The following ARFGEF1 variants were observed in gnomAD, a reference collection of about 807,000 sequenced individuals.
ARFGEF1 encodes ARF guanine nucleotide exchange factor 1.
A neutral mutation model predicts 231.0 loss-of-function variants in ARFGEF1; 42 were observed. The observed-to-expected ratio is 0.18, with a 90% CI of 0.14 to 0.24. The LOEUF (loss-of-function observed/expected upper bound fraction) is 0.24. Among genes scored for constraint, ARFGEF1 ranks in the 10% least tolerant of loss-of-function variants. ARFGEF1 has a pLI of 1.00. For missense variants in ARFGEF1, 1,345 were observed against 2,192.0 expected, an observed-to-expected ratio of 0.61 and a Z score of 7.72; for synonymous variants, 710 against 732.3, an observed-to-expected ratio of 0.97 and a Z score of 0.49.
At chr8:67,328,159 A>T (rs891405211) in intron 1 of ARFGEF1, among the ~76,000 whole-genome samples, 1 of 152,188 alleles carries the variant, frequency 6.6e-6, no homozygotes, top group African/African-American at 2.4e-5. Flanking sequence ...GTTTATTAGC[A>T]GAGTTGCTGT....
At chr8:67,296,812 G>T (rs760036412) in intron 4 of ARFGEF1, among the ~76,000 whole-genome samples, 8 of 151,550 alleles carry the variant, frequency 5.3e-5, no homozygotes, top group Non-Finnish European at 8.8e-5. Flanking sequence ...CACCACACCC[G>T]GCTAATTTTG....
At chr8:67,328,647 C>A (rs917497084) in intron 1 of ARFGEF1, among the ~76,000 whole-genome samples, 1 of 152,152 alleles carries the variant, frequency 6.6e-6, no homozygotes, top group Non-Finnish European at 1.5e-5. Flanking sequence ...CACTGTTCTA[C>A]CATGTAGTGA....
At chr8:67,289,550 A>C (rs376399630) in intron 6 of ARFGEF1, among the ~76,000 whole-genome samples, 1,578 of 55,076 alleles carry the variant, frequency 0.029, 16 homozygotes, top group African/African-American at 0.14. Context: ...CTCTGTATCC[A>C]AAAAAAAAAA....
chr8:67,258,291 C>A lies in ARFGEF1; in HGVS notation c.2236-1G>T. 6.4e-7 allele frequency: 1 copy of A among 1,560,406 alleles called. No homozygotes were observed. Among genetic ancestry groups the A allele is most frequent in the South Asian group, 1.1e-5 (1 of 87,526 alleles). ...CTCCCAGGAACTCACCCACTTGAGTCTAAAGTAAAAACAGAGATAGAAATT... is the reference window on the plus strand; with the variant it reads ...CTCCCAGGAACTCACCCACTTGAGTATAAAGTAAAAACAGAGATAGAAATT... On this transcript the variant is annotated splice_acceptor_variant, in intron 15 of 38. Transcript: ENST00000262215. LOFTEE classifies it high-confidence loss of function.
In ARFGEF1 at chr8:67,299,343, A is replaced by G; in HGVS notation, c.325T>C (p.Tyr109His). ...SLDCLQKLIA[Y>H]GHLTGNAPDS... ...GGAGCATTGCCAGTCAAGTGCCCAT[A>G]AGCAATAAGTTTCTAAAATGGAGAA... is the stretch of plus-strand genomic sequence containing the variant. Residue 109 changes from tyrosine (Y) to histidine (H), a missense_variant, in exon 4 of 39, where the codon TAT (tyrosine) becomes CAT (histidine). Tyr to His is a moderately conservative substitution (Grantham distance 83). This residue lies in a region of ARFGEF1 where 398 missense variants were observed against 463.2 expected (regional missense o/e 0.86). Coordinates refer to ENST00000262215, the MANE Select transcript of ARFGEF1 (RefSeq NM_006421.5). 1 of 1,603,600 alleles carries G rather than the reference A, an allele frequency of 6.2e-7. No homozygotes were observed. Among genetic ancestry groups the G allele is most frequent in the South Asian group, 1.1e-5 (1 of 87,918 alleles).
chr8:67,320,620 A>AGT (rs1453959382), intron 1 of ARFGEF1, among the ~76,000 whole-genome samples: 2 of 152,244 alleles, frequency 1.3e-5, no homozygotes, highest in Non-Finnish European at 2.9e-5. Context: ...CCCTTCAATG[A>AGT]GTGTTAAACA....
chr8:67,201,686 T>C (rs1838334052), intron 36 of ARFGEF1, 81 bp from the exon 37 acceptor site: 1 of 1,567,828 alleles, frequency 6.4e-7, no homozygotes, highest in Admixed American at 1.8e-5. Flanking sequence ...GAGGCACATT[T>C]TGTTTGTGCT....
intron 15 of ARFGEF1, 41 bp downstream of exon 15, chr8:67,259,774 G>C (rs1563870470): frequency 4.8e-6 from 7 of 1,444,158 alleles, no homozygotes; most frequent in Non-Finnish European, 6.7e-6. Flanking sequence ...AAAATCCCAA[G>C]AATTTTACAG....
At chr8:67,255,970 T>C (rs1165683546) in intron 17 of ARFGEF1, among the ~76,000 whole-genome samples, 1 of 152,268 alleles carries the variant, frequency 6.6e-6, no homozygotes, top group Non-Finnish European at 1.5e-5. Flanking sequence ...TATGTACATA[T>C]GTATAGGAAG....
At chr8:67,342,342 C>G (rs1808677541) in intron 1 of ARFGEF1, among the ~76,000 whole-genome samples, 1 of 152,196 alleles carries the variant, frequency 6.6e-6, no homozygotes, top group South Asian at 2.1e-4. Context: ...GGCTTCATTA[C>G]ACTAGATCTC....
intron 14 of ARFGEF1, among the ~76,000 whole-genome samples, chr8:67,261,084 A>C (rs1031853678): frequency 1.3e-5 from 2 of 152,160 alleles, no homozygotes; most frequent in East Asian, 1.9e-4. Flanking sequence ...TTAAGGAAAG[A>C]AGCAGTCTCC....
chr8:67,227,725 G>T, intron 25 of ARFGEF1, 127 bp from the exon 26 acceptor site: 5 of 1,055,088 alleles, frequency 4.7e-6, no homozygotes, highest in Non-Finnish European at 5.3e-6. Flanking sequence ...TTTCCATAAA[G>T]GCATTAAGTA....
intron 38 of ARFGEF1, chr8:67,199,358 G>C (rs1838231563): frequency 3.1e-6 from 1 of 327,020 alleles, no homozygotes; most frequent in Non-Finnish European, 5.5e-6. Context: ...ATTTAGCACT[G>C]TTTTTCCTGG....
At chr8:67,246,058 ATG>A (rs746909665) in intron 19 of ARFGEF1, among the ~76,000 whole-genome samples, 1 of 149,910 alleles carries the variant, frequency 6.7e-6, no homozygotes, top group South Asian at 2.1e-4. Context: ...TTGTGTGTGG[ATG>A]TGTGTGTGTG....
chr8:67,193,360 G>A, downstream of ARFGEF1: 1 of 996,634 alleles, frequency 1.0e-6, no homozygotes, highest in African/African-American at 1.6e-5. Flanking sequence ...GCTTCCCAAA[G>A]TGCTGGGATC....
At chr8:67,305,638 C>T (rs111880872) in intron 1 of ARFGEF1, among the ~76,000 whole-genome samples, 7 of 152,260 alleles carry the variant, frequency 4.6e-5, no homozygotes, top group African/African-American at 1.4e-4. Flanking sequence ...TGAGCCACCG[C>T]GCCCGGCCTT....
intron 2 of ARFGEF1, 103 bp downstream of exon 2, chr8:67,302,333 A>T: frequency 2.9e-6 from 2 of 700,974 alleles, no homozygotes; most frequent in Non-Finnish European, 4.4e-6. Context: ...TAAAACTCAC[A>T]TGCAGAGAAT....
At chr8:67,257,370 C>T (rs1415509311) in intron 17 of ARFGEF1, among the ~76,000 whole-genome samples, 3 of 152,124 alleles carry the variant, frequency 2.0e-5, no homozygotes, top group Admixed American at 6.5e-5. Flanking sequence ...CGTTAGGTAC[C>T]ACGCCTGGCC....
chr8:67,179,280 A>G (rs146252670), intron 5 of ARFGEF1, among the ~76,000 whole-genome samples: 5 of 152,252 alleles, frequency 3.3e-5, no homozygotes, highest in African/African-American at 7.2e-5. Flanking sequence ...ATGCTCCACT[A>G]TATCTGTGCT....
Sources: allele counts gnomAD v4.1 joint callset (sites outside exome capture counted in the v4.1 genomes callset), GRCh38; gene constraint gnomAD v4.1.1; regional missense constraint gnomAD v4.1.1; transcripts MANE v1.5; gene names NCBI Gene and HGNC (gene_info 2026-07-23, HGNC 2026-07-21).